The following CRMP1 variants were observed in gnomAD, a reference collection of about 807,000 sequenced individuals.
CRMP1 encodes the protein dihydropyrimidinase-related protein 1.
CRMP1 carries 19 observed loss-of-function variants against 68.3 expected under a neutral mutation model. The observed-to-expected ratio is 0.28, with a 90% CI of 0.19 to 0.41. The LOEUF is 0.41. CRMP1 is among the 10% of genes least tolerant of loss of function. The pLI is 1.00. For missense variants in CRMP1, 791 were observed against 967.4 expected (o/e 0.82, Z 2.42); for synonymous variants, 439 against 399.6 (o/e 1.10, Z -1.18).
intron 11 of CRMP1, among the ~76,000 whole-genome samples, chr4:5,832,937 G>A (rs991410917): frequency 4.6e-5 from 7 of 152,242 alleles, no homozygotes; most frequent in Non-Finnish European, 7.4e-5. Flanking sequence ...TGTGGTAGGC[G>A]CAAAATCCAA....
At chr4:5,873,817 G>T (rs1022230882) in intron 1 of CRMP1, among the ~76,000 whole-genome samples, 2 of 152,152 alleles carry the variant, frequency 1.3e-5, no homozygotes, top group African/African-American at 2.4e-5. Context: ...GCTGAAGGGT[G>T]ACCTCAAAGT....
In CRMP1 at chr4:5,862,084, G is replaced by A. The variant is rs1713607650; in HGVS notation, c.471-874C>T. Among the ~76,000 whole-genome samples the A allele has an allele frequency of 3.3e-5, 5 of 152,278 alleles. No individual in the cohort carries two copies. In the South Asian group the frequency reaches 1.0e-3, roughly 32 times the overall value. ...CTGGGGCTCCCCCAAAGAAGTGGGT[G>A]CCACACACTGTCCTCTTAACCCAGG... On this transcript the variant is annotated intron_variant, in intron 2 of 13. Coordinates refer to ENST00000324989, the MANE Select transcript of CRMP1 (RefSeq NM_001014809.3).
At position 5,881,689 on chromosome 4, in the gene CRMP1, G is replaced by A. The variant is rs1715231494; in HGVS notation, c.381+10900C>T. Among the ~76,000 whole-genome samples, 1 of 152,008 alleles carries A rather than the reference G, an allele frequency of 6.6e-6. No individual in the cohort carries two copies. The highest frequency in any genetic ancestry group is 2.4e-5 in the African/African-American group (1 of 41,362). ...CATCTCTCTGCTTGTGAATACTCAGGGCTCCACCTGAGAGATGCTACAATA... is the reference window on the plus strand; with the variant it reads ...CATCTCTCTGCTTGTGAATACTCAGAGCTCCACCTGAGAGATGCTACAATA... On this transcript the variant is annotated intron_variant, in intron 1 of 13. Transcript: ENST00000324989. This position sits in a 1 kb window ranked among gnomAD's most constrained non-coding sequence, Gnocchi z 4.6.
At chr4:5,856,852 G>A (rs748954811) in intron 3 of CRMP1, among the ~76,000 whole-genome samples, 1,629 of 10,110 alleles carry the variant, frequency 0.16, 45 homozygotes, top group African/African-American at 0.33. Flanking sequence ...CACTATCATT[G>A]TCACCCCACC....
At position 5,888,432 on chromosome 4, in the gene CRMP1, C is replaced by T; in HGVS notation, c.381+4157G>A. 1 of 1,215,488 alleles carries T rather than the reference C, an allele frequency of 8.2e-7. No homozygotes were observed. Among genetic ancestry groups the T allele is most frequent in the Non-Finnish European group, 1.0e-6 (1 of 977,724 alleles). The allele number at this position is 1,215,488 out of a possible 1,614,324, so 75.3% of individuals were successfully genotyped here. On this transcript the variant is annotated intron_variant, in intron 1 of 13. Coordinates refer to ENST00000324989, the MANE Select transcript of CRMP1 (RefSeq NM_001014809.3). The surrounding 1 kb of genome is among the most constrained non-coding windows in gnomAD (Gnocchi z 6.4). ...GGATGCCCACGCGCGGCTGCCCCGG[C>T]TGCTCGGCCCGCCCGCCGCCGCTCC...
At chr4:5,835,872 G>T in intron 11 of CRMP1, 43 bp downstream of exon 11, 1 of 1,383,052 alleles carries the variant, frequency 7.2e-7, no homozygotes, top group South Asian at 2.0e-5. Flanking sequence ...TGATTACAAC[G>T]AAGAATCACT....
intron 2 of CRMP1, among the ~76,000 whole-genome samples, chr4:5,863,296 G>A (rs1350995155): frequency 6.6e-6 from 1 of 151,968 alleles, no homozygotes. Context: ...CTGCAAGGTA[G>A]GAGGTATTCT....
At chr4:5,857,341 G>A (rs958275109) in intron 3 of CRMP1, among the ~76,000 whole-genome samples, 7 of 147,492 alleles carry the variant, frequency 4.7e-5, no homozygotes, top group East Asian at 2.1e-4. Context: ...TCACCCCATC[G>A]CCATCACCAC....
At position 5,888,281 on chromosome 4, in the gene CRMP1, C is replaced by A. The variant is rs780947320; in HGVS notation, c.381+4308G>T. ...TGGTACGACATGGCCCCCTCTGGCGCCCTCGGCCCGGCCGCTGACCTGCGG... is the reference window on the plus strand; with the variant it reads ...TGGTACGACATGGCCCCCTCTGGCGACCTCGGCCCGGCCGCTGACCTGCGG... On this transcript the variant is annotated intron_variant, in intron 1 of 13. Transcript: ENST00000324989. The surrounding 1 kb of genome is among the most constrained non-coding windows in gnomAD (Gnocchi z 6.4). 1 of 1,271,096 alleles carries A rather than the reference C, an allele frequency of 7.9e-7. No individual in the cohort carries two copies. The allele number at this position is 1,271,096 out of a possible 1,614,324, so 78.7% of individuals were successfully genotyped here.
intron 11 of CRMP1, among the ~76,000 whole-genome samples, chr4:5,830,915 TA>T (rs1720332596): frequency 6.6e-6 from 1 of 152,210 alleles, no homozygotes; most frequent in African/African-American, 2.4e-5. Context: ...CTTCTCAGTG[TA>T]AAAGTCCCTG....
intron 13 of CRMP1, chr4:5,824,395 T>TCATG: frequency 2.0e-6 from 2 of 985,372 alleles, no homozygotes; most frequent in Non-Finnish European, 2.4e-6. Flanking sequence ...CCTCCTTGAT[T>TCATG]CATGCCTCCT....
intron 11 of CRMP1, among the ~76,000 whole-genome samples, chr4:5,833,903 G>A (rs569496341): frequency 3.9e-5 from 6 of 152,276 alleles, no homozygotes; most frequent in African/African-American, 1.2e-4. Flanking sequence ...AAAATTAGCC[G>A]GGCGTGGTGG....
rs1018189852 is a variant in CRMP1, at chr4:5,872,242, G to T, written c.382-5486C>A. Among the ~76,000 whole-genome samples, 2 of 151,770 alleles carry T rather than the reference G, an allele frequency of 1.3e-5. No homozygotes were observed. The highest frequency in any genetic ancestry group is 2.4e-5 in the African/African-American group (1 of 41,278). Reference sequence around the variant, plus strand: ...AGAACTGTATACTAAAAAAGTAAATGTTACATAATATATGTTTTTAAAATT... The same window carrying T: ...AGAACTGTATACTAAAAAAGTAAATTTTACATAATATATGTTTTTAAAATT... On this transcript the variant is annotated intron_variant, in intron 1 of 13. Transcript: ENST00000324989. The surrounding 1 kb of genome is among the most constrained non-coding windows in gnomAD (Gnocchi z 4.6).
chr4:5,844,190 G>GT (rs1204708677), intron 6 of CRMP1, among the ~76,000 whole-genome samples: 7 of 152,164 alleles, frequency 4.6e-5, no homozygotes, highest in Non-Finnish European at 8.8e-5. Context: ...TAACAGCTGG[G>GT]TAGATTGAAG....
chr4:5,846,403 T>C (rs1323064443), intron 6 of CRMP1, among the ~76,000 whole-genome samples: 1 of 152,198 alleles, frequency 6.6e-6, no homozygotes, highest in Non-Finnish European at 1.5e-5. Context: ...CTTGCAGTTG[T>C]GTCTCTCAGC....
Position 5,838,930 on chromosome 4 carries a change from G to A in CRMP1, c.1310+592C>T, listed in dbSNP as rs1251278986. Reference sequence around the variant, plus strand: ...GCGTCTCTGCTTCCAGAGCGGCCTGGACACTTAGCCTCGCTGTGTGGCCCT... The same window carrying A: ...GCGTCTCTGCTTCCAGAGCGGCCTGAACACTTAGCCTCGCTGTGTGGCCCT... On this transcript the variant is annotated intron_variant, in intron 9 of 13. Transcript: ENST00000324989. This position sits in a 1 kb window ranked among gnomAD's most constrained non-coding sequence, Gnocchi z 4.9. Among the ~76,000 whole-genome samples the A allele has an allele frequency of 6.6e-6, 1 of 152,142 alleles. No homozygotes were observed. Among genetic ancestry groups the A allele is most frequent in the African/African-American group, 2.4e-5 (1 of 41,442 alleles).
At chr4:5,824,776 C>T (rs1383019981) in intron 13 of CRMP1, 2 of 983,080 alleles carry the variant, frequency 2.0e-6, no homozygotes, top group Non-Finnish European at 2.4e-6. Flanking sequence ...GGTGTGCAAC[C>T]CATGCAACGC....
rs1179297812 is a variant in CRMP1 at position 5,842,991 on chromosome 4, G to A, written c.1032+102C>T. On this transcript the variant is annotated intron_variant, in intron 7 of 13. Coordinates refer to ENST00000324989, the MANE Select transcript of CRMP1 (RefSeq NM_001014809.3). The surrounding 1 kb of genome is among the most constrained non-coding windows in gnomAD (Gnocchi z 4.5). ...TTGGGATGGTCTGGGAGAGGACACG[G>A]GAAGAGGCCGGGTCCTGGCTGGGCT... 1 of 1,126,188 alleles carries A rather than the reference G, an allele frequency of 8.9e-7. No homozygotes were observed. The highest frequency in any genetic ancestry group is 1.3e-6 in the Non-Finnish European group (1 of 747,944). 69.8% of individuals were successfully genotyped at this position (1,126,188 alleles called of 1,614,324 possible).
chr4:5,848,186 C>T (rs193186534), intron 6 of CRMP1, among the ~76,000 whole-genome samples: 527 of 151,880 alleles, frequency 3.5e-3, no homozygotes, highest in Non-Finnish European at 6.1e-3. Flanking sequence ...ACTCTGTTGC[C>T]CAGGCTGGAG....
Sources: gnomAD v4.1 joint callset for allele counts (sites outside exome capture counted in the v4.1 genomes callset) on GRCh38, gnomAD v4.1.1 for gene constraint, Gnocchi (gnomAD v3.1) non-coding constraint, MANE v1.5 for transcripts, NCBI Gene and HGNC (gene_info 2026-07-23, HGNC 2026-07-21) for gene names.